Variants in INSYN2B observed in about 807,000 individuals in gnomAD.
INSYN2B encodes the protein inhibitory synaptic factor family member 2B, also known as protein INSYN2B.
A neutral mutation model predicts 41.2 loss-of-function variants in INSYN2B; 16 were observed. That is an observed-to-expected ratio of 0.39 (90% CI 0.26 to 0.59). The LOEUF is 0.59. Ranked by LOEUF, INSYN2B falls within the 20% of genes least tolerant of loss-of-function variation. INSYN2B has a pLI of 0.57. For synonymous variants in INSYN2B, 245 were observed against 244.4 expected (o/e 1.00, Z -0.02); for missense variants, 608 against 646.4 (o/e 0.94, Z 0.64).
chr5:169,953,265 G>A (rs1173701440), intron 1 of INSYN2B, among the ~76,000 whole-genome samples: 3 of 151,490 alleles, frequency 2.0e-5, no homozygotes, highest in Non-Finnish European at 4.4e-5. Context: ...CCCAGGAGGC[G>A]GAGGTTGCAG....
intron 1 of INSYN2B, among the ~76,000 whole-genome samples, chr5:169,967,843 A>C (rs757262163): frequency 5.3e-5 from 8 of 152,190 alleles, no homozygotes; most frequent in Non-Finnish European, 1.0e-4. Flanking sequence ...AAAAATTTCT[A>C]AATCCCCATG....
chr5:169,911,373 G>A (rs138736497), intron 1 of INSYN2B, among the ~76,000 whole-genome samples: 20 of 152,124 alleles, frequency 1.3e-4, no homozygotes, highest in Middle Eastern at 3.4e-3. Flanking sequence ...ATGCTATGGC[G>A]TTCACAGGAC....
chr5:169,960,323 G>A (rs909042409), intron 1 of INSYN2B, among the ~76,000 whole-genome samples: 7 of 152,150 alleles, frequency 4.6e-5, no homozygotes, highest in African/African-American at 1.4e-4. Flanking sequence ...AGATCCTTGG[G>A]TATTTACATC....
chr5:169,924,801 C>T (rs377264699), intron 1 of INSYN2B, among the ~76,000 whole-genome samples: 25 of 152,190 alleles, frequency 1.6e-4, no homozygotes, highest in Admixed American at 9.2e-4. Context: ...TATCCTGGGA[C>T]GCTCTTTGGC....
rs1318364573 is a variant in INSYN2B at position 169,882,843 on chromosome 5, A to G, written c.1056T>C (p.Pro352=). The G allele has an allele frequency of 1.9e-6, 3 of 1,550,948 alleles. No individual in the cohort carries two copies. In the East Asian group the frequency reaches 7.3e-5, roughly 38 times the overall value. ...TGTTTGCCGTCTGCTCCTGACACCCAGGGGCAGATTTCGATGCACTGTTAG... is the reference window on the plus strand; with the variant it reads ...TGTTTGCCGTCTGCTCCTGACACCCGGGGGCAGATTTCGATGCACTGTTAG... The part of the protein sequence containing the change: ...LKTNSASKSA[P]GCQEQTANNP... Residue 352 remains proline, a synonymous_variant, in exon 2 of 4, where the codon CCT becomes CCC. Transcript: ENST00000377365.
chr5:169,922,279 T>C (rs1469056023), intron 1 of INSYN2B, among the ~76,000 whole-genome samples: 1 of 152,210 alleles, frequency 6.6e-6, no homozygotes, highest in African/African-American at 2.4e-5. Flanking sequence ...GAGGAAAAGA[T>C]GAAGGCTCAG....
chr5:169,930,929 C>T (rs1293960376), intron 1 of INSYN2B, among the ~76,000 whole-genome samples: 1 of 152,182 alleles, frequency 6.6e-6, no homozygotes, highest in Non-Finnish European at 1.5e-5. Context: ...GAAAAGCATC[C>T]TCATCACATG....
intron 1 of INSYN2B, among the ~76,000 whole-genome samples, chr5:169,915,958 C>T (rs544485132): frequency 6.6e-6 from 1 of 152,228 alleles, no homozygotes; most frequent in Admixed American, 6.5e-5. Context: ...ATGCTGAATT[C>T]TGTAAGATGA....
At chr5:169,898,947 A>T (rs547278492) in intron 1 of INSYN2B, among the ~76,000 whole-genome samples, 2 of 152,262 alleles carry the variant, frequency 1.3e-5, no homozygotes, top group East Asian at 3.9e-4. Flanking sequence ...AGAATGGTGG[A>T]TTCAACAGCA....
At chr5:169,948,916 G>T (rs1348259889) in intron 1 of INSYN2B, among the ~76,000 whole-genome samples, 1 of 151,920 alleles carries the variant, frequency 6.6e-6, no homozygotes, top group Non-Finnish European at 1.5e-5. Context: ...TTTGGCATAA[G>T]GGCAAGCATA....
intron 1 of INSYN2B, among the ~76,000 whole-genome samples, chr5:169,945,297 C>CG (rs1776401794): frequency 6.6e-6 from 1 of 152,186 alleles, no homozygotes; most frequent in Non-Finnish European, 1.5e-5. Flanking sequence ...AGGCATATAC[C>CG]GAGTGGTAGT....
chr5:169,977,209 C>G (rs1320921236), intron 1 of INSYN2B, among the ~76,000 whole-genome samples: 2 of 152,224 alleles, frequency 1.3e-5, no homozygotes, highest in Admixed American at 6.5e-5. Flanking sequence ...GAGGCACACA[C>G]TGGACTTACT....
intron 1 of INSYN2B, among the ~76,000 whole-genome samples, chr5:169,933,433 T>TATAGAAGAG (rs1221675789): frequency 6.6e-6 from 1 of 152,254 alleles, no homozygotes; most frequent in Non-Finnish European, 1.5e-5. Flanking sequence ...GAGTGGCTGC[T>TATAGAAGAG]ATAGAAGAGC....
intron 1 of INSYN2B, among the ~76,000 whole-genome samples, chr5:169,941,817 C>T (rs1289999708): frequency 6.6e-6 from 1 of 152,176 alleles, no homozygotes; most frequent in African/African-American, 2.4e-5. Context: ...CAGGGGCATT[C>T]CCCTCCAGAA....
intron 1 of INSYN2B, among the ~76,000 whole-genome samples, chr5:169,940,178 G>T (rs949683942): frequency 6.6e-6 from 1 of 152,188 alleles, no homozygotes; most frequent in Non-Finnish European, 1.5e-5. Context: ...CAGATCTTTA[G>T]AAGGGACCTG....
At position 169,979,469 on chromosome 5, in the gene INSYN2B, CAA is replaced by C. The variant is rs1777863137; in HGVS notation, c.-919+806_-919+807del. Among the ~76,000 whole-genome samples, 3 of 152,146 alleles carry C rather than the reference CAA, an allele frequency of 2.0e-5. No homozygotes were observed. In the South Asian group the frequency reaches 6.2e-4, roughly 32 times the overall value. The stretch of plus-strand genomic sequence containing the variant: ...ATTCCATGATTCTATCGCTGTATGA[CAA>C]AAGAGGTGGTTTTTAAAATCCAAAT... On this transcript the variant is annotated intron_variant, in intron 1 of 3. Coordinates refer to ENST00000377365, the MANE Select transcript of INSYN2B (RefSeq NM_001129891.3).
At chr5:169,959,131 G>A (rs1378603909) in intron 1 of INSYN2B, among the ~76,000 whole-genome samples, 1 of 152,182 alleles carries the variant, frequency 6.6e-6, no homozygotes, top group East Asian at 1.9e-4. Flanking sequence ...GGTGGCTCAT[G>A]CCTGTAATCC....
At chr5:169,869,172 G>T (rs1771782564) in intron 3 of INSYN2B, among the ~76,000 whole-genome samples, 1 of 152,152 alleles carries the variant, frequency 6.6e-6, no homozygotes, top group Non-Finnish European at 1.5e-5. Flanking sequence ...CTCTTCAGTA[G>T]CTGCGCACCT....
chr5:169,955,093 G>A (rs1776809021), intron 1 of INSYN2B, among the ~76,000 whole-genome samples: 1 of 152,220 alleles, frequency 6.6e-6, no homozygotes, highest in Non-Finnish European at 1.5e-5. Context: ...GCCCTCTGAA[G>A]CAAGGCAACC....
Sources: gnomAD v4.1 joint callset for allele counts (sites outside exome capture counted in the v4.1 genomes callset) on GRCh38, gnomAD v4.1.1 for gene constraint, MANE v1.5 for transcripts, NCBI Gene and HGNC (gene_info 2026-07-23, HGNC 2026-07-21) for gene names.